STK3: variants seen among roughly 807,000 people sequenced by gnomAD.
STK3 encodes serine/threonine kinase 3.
A neutral mutation model predicts 58.0 loss-of-function variants in STK3; 41 were observed. The ratio of observed to expected loss-of-function variants is 0.71; its 90% CI spans 0.55 to 0.92. The LOEUF (loss-of-function observed/expected upper bound fraction) is 0.92. Ranked by LOEUF, STK3 falls within the 40% of genes least tolerant of loss-of-function variation. The pLI, the probability that STK3 is intolerant of heterozygous loss-of-function variation, is 0.00. For missense variants in STK3, 479 were observed against 602.7 expected, an observed-to-expected ratio of 0.79 and a Z score of 2.15; for synonymous variants, 170 against 191.0, an observed-to-expected ratio of 0.89 and a Z score of 0.91.
intron 3 of STK3, among the ~76,000 whole-genome samples, chr8:98,418,187 C>T (rs919129258): frequency 1.3e-5 from 2 of 152,222 alleles, no homozygotes; most frequent in Admixed American, 6.5e-5. Flanking sequence ...GCTGAGATTA[C>T]AGGCATGAGC....
At position 98,579,515 on chromosome 8, in the gene STK3, A is replaced by G. The variant is rs985630491; in HGVS notation, c.948+149T>C. ...GACATCAGAAAAAGATAGCAAACAT[A>G]TAAGGCAAACCAAATATATTTTGAG... On this transcript the variant is annotated intron_variant, in intron 8 of 10. Transcript: ENST00000419617. 3.0e-6 allele frequency: 3 copies of G among 985,036 alleles called. No homozygotes were observed. In the African/African-American group the frequency reaches 5.1e-5, roughly 17 times the overall value. 61.0% of individuals were successfully genotyped at this position (985,036 alleles called of 1,614,324 possible). A position where few individuals can be genotyped will look rare whatever the true frequency, so the allele number is the denominator to read the frequency against.
At chr8:98,507,002 C>T (rs950645954) in intron 10 of STK3, among the ~76,000 whole-genome samples, 3 of 152,204 alleles carry the variant, frequency 2.0e-5, no homozygotes, top group African/African-American at 4.8e-5. Context: ...TAATTTGTTA[C>T]AGCAGCCATG....
intron 2 of STK3, among the ~76,000 whole-genome samples, chr8:98,435,953 G>A (rs150881544): frequency 4.0e-4 from 61 of 152,162 alleles, no homozygotes; most frequent in African/African-American, 1.3e-3. Context: ...CTCTACTGGC[G>A]ACCTTGGCTT....
chr8:98,858,355 G>GAGAGAGAGAGAC lies in STK3; in HGVS notation c.110+25291_110+25292insGTCTCTCTCTCT, dbSNP rs1564065958. Among the ~76,000 whole-genome samples the GAGAGAGAGAGAC allele has an allele frequency of 3.6e-5, 5 of 137,638 alleles. No individual in the cohort carries two copies. The East Asian group carries it at 1.1e-3, about 31-fold the overall frequency. The allele number at this position is 137,638 out of a possible 152,430, so 90.3% of individuals were successfully genotyped here. On this transcript the variant is annotated intron_variant, in intron 3 of 12. Transcript: ENST00000523601. ...AGAGAGAGAGAGAGAGAGAGAGAGA[G>GAGAGAGAGAGAC]AGAGACAGAGAGAGAGTATATAGTA...
chr8:98,906,568 A>C (rs917580528), intron 1 of STK3: 15 of 152,236 alleles, frequency 9.9e-5, no homozygotes, highest in Non-Finnish European at 7.3e-5. Flanking sequence ...TTGGCCACTG[A>C]TGCAAAGATG....
At chr8:98,436,503 G>A (rs773385552) in intron 2 of STK3, among the ~76,000 whole-genome samples, 5 of 152,070 alleles carry the variant, frequency 3.3e-5, no homozygotes, top group Non-Finnish European at 5.9e-5. Flanking sequence ...GGCCCTTCAG[G>A]TTGAAATTTC....
At chr8:98,814,635 T>A (rs1200242770) in intron 1 of STK3, among the ~76,000 whole-genome samples, 1 of 152,134 alleles carries the variant, frequency 6.6e-6, no homozygotes, top group Non-Finnish European at 1.5e-5. Flanking sequence ...GCCTCCCATG[T>A]AGATGGGACT....
chr8:98,540,459 T>C (rs1810153595), intron 9 of STK3, among the ~76,000 whole-genome samples: 1 of 152,152 alleles, frequency 6.6e-6, no homozygotes, highest in Non-Finnish European at 1.5e-5. Flanking sequence ...GTGGTGATCT[T>C]TTAGGATCCT....
chr8:98,756,734 G>C (rs1309423332), intron 3 of STK3, among the ~76,000 whole-genome samples: 2 of 152,174 alleles, frequency 1.3e-5, no homozygotes, highest in Non-Finnish European at 2.9e-5. Flanking sequence ...CCCTCTCAGG[G>C]TAAGCTAATT....
intron 8 of STK3, among the ~76,000 whole-genome samples, chr8:98,552,358 A>G (rs541496267): frequency 6.6e-6 from 1 of 152,192 alleles, no homozygotes; most frequent in Admixed American, 6.5e-5. Context: ...GCCTCCTATC[A>G]CACTTAGAAT....
chr8:98,607,105 G>C lies in STK3; in HGVS notation c.685-10936C>G, dbSNP rs141767395. On this transcript the variant is annotated intron_variant, in intron 6 of 10. Coordinates refer to ENST00000419617, the MANE Select transcript of STK3 (RefSeq NM_006281.4). Reference sequence around the variant, plus strand: ...GAAATAGAATACTGTAATTCAGGTGGTATTCAAATGTATTTTCACTGTTTT... The same window carrying C: ...GAAATAGAATACTGTAATTCAGGTGCTATTCAAATGTATTTTCACTGTTTT... Among the ~76,000 whole-genome samples, 1,027 of 152,278 alleles carry C rather than the reference G, an allele frequency of 6.7e-3. 8 individuals are homozygous for C. Among genetic ancestry groups the C allele is most frequent in the African/African-American group, 0.023 (964 of 41,546 alleles).
At chr8:98,868,788 G>A (rs1673816012) in intron 3 of STK3, among the ~76,000 whole-genome samples, 1 of 151,882 alleles carries the variant, frequency 6.6e-6, no homozygotes, top group African/African-American at 2.4e-5. Flanking sequence ...GGGCAGCATA[G>A]TGAGACCTTG....
At chr8:98,361,921 G>A in the STK3 span, among the ~76,000 whole-genome samples, 1 of 152,124 alleles carries the variant, frequency 6.6e-6, no homozygotes, top group African/African-American at 2.4e-5. Context: ...TTGAACTCAA[G>A]CCAGTCCCAA....
At chr8:98,452,920 T>C (rs60438532), downstream of STK3, among the ~76,000 whole-genome samples, 49,417 of 125,858 alleles carry the variant, frequency 0.39, 10,564 homozygotes, top group Admixed American at 0.5. Context: ...GCTACCACGA[T>C]CAGCTAATTT....
chr8:98,819,659 A>C (rs59462070), intron 1 of STK3, among the ~76,000 whole-genome samples: 1 of 151,862 alleles, frequency 6.6e-6, no homozygotes, highest in African/African-American at 2.4e-5. Flanking sequence ...AGAATTGGAA[A>C]TTTTCCCTAG....
intron 1 of STK3, among the ~76,000 whole-genome samples, chr8:98,781,075 G>C (rs1832057834): frequency 6.6e-6 from 1 of 152,160 alleles, no homozygotes; most frequent in Non-Finnish European, 1.5e-5. Context: ...TCAACAAAAT[G>C]TAAGAAACTA....
At chr8:98,573,951 A>G (rs1813177967) in intron 8 of STK3, among the ~76,000 whole-genome samples, 1 of 152,146 alleles carries the variant, frequency 6.6e-6, no homozygotes, top group South Asian at 2.1e-4. Flanking sequence ...AAAGCCCCTT[A>G]TAAAACCATC....
intron 4 of STK3, among the ~76,000 whole-genome samples, chr8:98,739,086 G>A (rs983062100): frequency 1.7e-3 from 254 of 152,326 alleles, no homozygotes; most frequent in African/African-American, 4.6e-3. Flanking sequence ...CAAAGCAGCC[G>A]GGAAGCTCCA....
At chr8:98,436,096 C>T (rs988752471) in intron 2 of STK3, among the ~76,000 whole-genome samples, 4 of 152,142 alleles carry the variant, frequency 2.6e-5, no homozygotes, top group African/African-American at 9.7e-5. Context: ...CAAGCTCCCC[C>T]GAATTCTTTG....
Sources: allele counts gnomAD v4.1 joint callset (sites outside exome capture counted in the v4.1 genomes callset), GRCh38; gene constraint gnomAD v4.1.1; transcripts MANE v1.5; gene names NCBI Gene and HGNC (gene_info 2026-07-23, HGNC 2026-07-21).